The following CRISP3 variants were observed in gnomAD, a reference collection of about 807,000 sequenced individuals.
The protein encoded by CRISP3 is cysteine rich secretory protein 3, also known as cysteine-rich secretory protein 3.
A neutral mutation model predicts 36.1 loss-of-function variants in CRISP3; 33 were observed. The observed-to-expected ratio is 0.91, with a 90% CI of 0.69 to 1.22. The LOEUF (loss-of-function observed/expected upper bound fraction) is 1.22. CRISP3 is among the 50% of genes most tolerant of loss of function. CRISP3 has a pLI of 0.00. For synonymous variants in CRISP3, 117 were observed against 104.6 expected (o/e 1.12, Z -0.72); for missense variants, 330 against 301.2 (o/e 1.10, Z -0.71).
At chr6:49,741,087 C>A (rs1252839536) in intron 1 of CRISP3, among the ~76,000 whole-genome samples, 2 of 148,992 alleles carry the variant, frequency 1.3e-5, no homozygotes, top group Non-Finnish European at 3.0e-5. Flanking sequence ...GAGCGAGACT[C>A]CGTCTCAAAA....
At chr6:49,729,220 A>G (rs1426565431) in intron 7 of CRISP3, among the ~76,000 whole-genome samples, 2 of 152,128 alleles carry the variant, frequency 1.3e-5, no homozygotes, top group Non-Finnish European at 2.9e-5. Context: ...AAATAAAAAT[A>G]AAATCAAATA....
intron 1 of CRISP3, among the ~76,000 whole-genome samples, chr6:49,739,434 G>A (rs1769142972): frequency 6.6e-6 from 1 of 152,098 alleles, no homozygotes; most frequent in African/African-American, 2.4e-5. Context: ...ACCCAGAGGG[G>A]GAGCTGGTTG....
At chr6:49,736,276 A>G (rs1363666110) in intron 3 of CRISP3, 115 bp downstream of exon 3, 1 of 721,506 alleles carries the variant, frequency 1.4e-6, no homozygotes, top group African/African-American at 1.8e-5. Context: ...AATGAAACAA[A>G]AAAATACAGA....
In CRISP3 at chr6:49,735,560, T is replaced by C; in HGVS notation, c.260A>G (p.Gln87Arg). 2.5e-6 allele frequency: 4 copies of C among 1,612,796 alleles called. No homozygotes were observed. Among genetic ancestry groups the C allele is most frequent in the Middle Eastern group, 1.7e-4 (1 of 6,052 alleles). The change falls in exon 4 of 8, where the codon CAA (glutamine) becomes CGA (arginine). Residue 87 changes from glutamine to arginine, a missense_variant. Transcript: ENST00000263045. ...EWNKEAAANA[Q>R]KWANQCNYRH... ...GTAATTGCACTGGTTTGCCCACTTT[T>C]GGGCATTTGCTGCAGCCTCTTTGTT...
chr6:49,738,997 G>A (rs1443933201), intron 1 of CRISP3, among the ~76,000 whole-genome samples: 2 of 144,442 alleles, frequency 1.4e-5, no homozygotes, highest in South Asian at 2.2e-4. Context: ...TACACTTGAA[G>A]TCTGAAAAAA....
chr6:49,734,763 T>C (rs948299712), intron 4 of CRISP3, among the ~76,000 whole-genome samples: 2 of 152,162 alleles, frequency 1.3e-5, no homozygotes, highest in Non-Finnish European at 2.9e-5. Flanking sequence ...AAGCCAGTTA[T>C]TTACCACTTG....
At chr6:49,741,117 A>G (rs1769188168) in intron 1 of CRISP3, among the ~76,000 whole-genome samples, 1 of 106,430 alleles carries the variant, frequency 9.4e-6, no homozygotes, top group South Asian at 3.2e-4. Context: ...AACAAAAAAC[A>G]AACAAACAAA....
intron 2 of CRISP3, 136 bp from the exon 3 acceptor site, chr6:49,736,643 C>T (rs879439624): frequency 1.9e-5 from 14 of 727,470 alleles, no homozygotes; most frequent in Non-Finnish European, 3.2e-5. Context: ...TCAATGACTG[C>T]CAAAGCTATG....
At chr6:49,737,779 T>C (rs1343063339) in intron 1 of CRISP3, among the ~76,000 whole-genome samples, 1 of 152,220 alleles carries the variant, frequency 6.6e-6, no homozygotes, top group African/African-American at 2.4e-5. Flanking sequence ...ATTACTGGGA[T>C]ACTACTGCAT....
At position 49,740,524 on chromosome 6, in the gene CRISP3, G is replaced by C. The variant is rs374204219; in HGVS notation, c.38-3126C>G. ...CAAGAAAATACTGAAAAGATAGTGAGAAAATCTGAGGAGAATAAAGTCTCT... is the reference window on the plus strand; with the variant it reads ...CAAGAAAATACTGAAAAGATAGTGACAAAATCTGAGGAGAATAAAGTCTCT... On this transcript the variant is annotated intron_variant, in intron 1 of 7. Coordinates refer to ENST00000263045, the MANE Select transcript of CRISP3 (RefSeq NM_006061.4). Among the ~76,000 whole-genome samples, 12 of 150,004 alleles carry C rather than the reference G, an allele frequency of 8.0e-5. No individual in the cohort carries two copies. The East Asian group carries it at 2.2e-3, about 27-fold the overall frequency.
At chr6:49,741,137 CA>C (rs1222966473) in intron 1 of CRISP3, among the ~76,000 whole-genome samples, 1,554 of 99,238 alleles carry the variant, frequency 0.016, 20 homozygotes, top group African/African-American at 0.056. Context: ...AAAAAACAAA[CA>C]AAAAAAAACC....
At chr6:49,735,437 A>G (rs1012672916) in intron 4 of CRISP3, 67 bp downstream of exon 4, 2 of 1,241,274 alleles carry the variant, frequency 1.6e-6, no homozygotes, top group Non-Finnish European at 2.3e-6. Flanking sequence ...TTCTTAATGC[A>G]ACATCATAAC....
At chr6:49,730,289 T>A (rs1768882635) in intron 7 of CRISP3, among the ~76,000 whole-genome samples, 1 of 152,072 alleles carries the variant, frequency 6.6e-6, no homozygotes, top group African/African-American at 2.4e-5. Context: ...TTTTGAGGCT[T>A]CTGCAAACTA....
chr6:49,735,336 A>G (rs1018154068), intron 4 of CRISP3, among the ~76,000 whole-genome samples, 168 bp downstream of exon 4: 1 of 152,182 alleles, frequency 6.6e-6, no homozygotes, highest in African/African-American at 2.4e-5. Context: ...TAAAACAGTA[A>G]GCACAGATGG....
intron 2 of CRISP3, 95 bp from the exon 3 acceptor site, chr6:49,736,602 A>G: frequency 1.1e-6 from 1 of 911,010 alleles, no homozygotes; most frequent in Non-Finnish European, 1.8e-6. Context: ...GACCATTTTT[A>G]AAAAGTGTTG....
At chr6:49,738,658 A>G (rs1769121567) in intron 1 of CRISP3, among the ~76,000 whole-genome samples, 2 of 151,982 alleles carry the variant, frequency 1.3e-5, no homozygotes, top group African/African-American at 4.8e-5. Context: ...AGAGCTTTCC[A>G]CCCCAGACTG....
Position 49,733,728 on chromosome 6 carries a change from T to A in CRISP3, c.437A>T (p.Asn146Ile), listed in dbSNP as rs186676018. Residue 146 changes from asparagine (N) to isoleucine (I), a missense_variant, in exon 5 of 8, where the codon AAC becomes ATC. Asn to Ile is a moderately radical substitution (Grantham distance 149). Coordinates refer to ENST00000263045, the MANE Select transcript of CRISP3 (RefSeq NM_006061.4). Reference sequence around the variant, plus strand: ...CTGTGTATAATGTCCAACCACTGCGTTGGGAGTCTTTGGCCCTACACCAAA... The same window carrying A: ...CTGTGTATAATGTCCAACCACTGCGATGGGAGTCTTTGGCCCTACACCAAA... ...FDFGVGPKTP[N>I]AVVGHYTQVV... 6.2e-7 allele frequency: 1 copy of A among 1,613,530 alleles called. No homozygotes were observed. The highest frequency in any genetic ancestry group is 1.3e-5 in the African/African-American group (1 of 74,980).
chr6:49,733,661 G>T (rs534403100), intron 5 of CRISP3, 42 bp downstream of exon 5: 2 of 1,532,452 alleles, frequency 1.3e-6, no homozygotes, highest in South Asian at 1.2e-5. Flanking sequence ...TTTTTTTTTA[G>T]GGCACTTATA....
At chr6:49,731,290 T>A (rs552225389) in intron 6 of CRISP3, 39 bp from the exon 7 acceptor site, 4 of 1,386,208 alleles carry the variant, frequency 2.9e-6, no homozygotes, top group Non-Finnish European at 4.1e-6. Flanking sequence ...TTTTTCATTT[T>A]TATGTTTCGT....
Sources: allele counts gnomAD v4.1 joint callset (sites outside exome capture counted in the v4.1 genomes callset), GRCh38; gene constraint gnomAD v4.1.1; transcripts MANE v1.5; gene names NCBI Gene and HGNC (gene_info 2026-07-23, HGNC 2026-07-21).